PCDHA6: variants seen among roughly 807,000 people sequenced by gnomAD.
The protein encoded by PCDHA6 is protocadherin alpha-6.
In PCDHA6, 55 loss-of-function variants were observed where a neutral mutation model predicts 60.3. The observed-to-expected ratio is 0.91, with a 90% confidence interval of 0.73 to 1.14. The LOEUF (loss-of-function observed/expected upper bound fraction) is 1.14. Ranked by LOEUF, PCDHA6 falls within the 50% of genes most tolerant of loss-of-function variation. The probability of loss-of-function intolerance (pLI) is 0.00; values close to 1 mark genes in which losing one functional copy is unlikely to be tolerated. For missense variants in PCDHA6, 1,327 were observed against 1,256.5 expected, an observed-to-expected ratio of 1.06 and a Z score of -0.85; for synonymous variants, 652 against 557.9, an observed-to-expected ratio of 1.17 and a Z score of -2.38.
chr5:140,843,700 T>G lies in PCDHA6; in HGVS notation c.2394+13215T>G. On this transcript the variant is annotated intron_variant, in intron 1 of 3. Coordinates refer to ENST00000529310, the MANE Select transcript of PCDHA6 (RefSeq NM_018909.4). ...TAGGCGAAGAGCAAGATTTAAATGT[T>G]GATCATGGCCTCAAAGTAAGTCCAT... The G allele has an allele frequency of 3.2e-6, 5 of 1,581,782 alleles. 1 individual carries two copies. Among genetic ancestry groups the G allele is most frequent in the Non-Finnish European group, 4.3e-6 (5 of 1,152,788 alleles).
At chr5:140,962,546 G>A (rs2095690873) in intron 1 of PCDHA6, among the ~76,000 whole-genome samples, 7 of 152,094 alleles carry the variant, frequency 4.6e-5, no homozygotes, top group Admixed American at 4.6e-4. Flanking sequence ...TAAAAATGTA[G>A]AGGATCTCCC....
intron 1 of PCDHA6, chr5:140,883,623 C>A: frequency 6.2e-7 from 1 of 1,613,988 alleles, no homozygotes; most frequent in Non-Finnish European, 8.5e-7. Context: ...AACGACAACG[C>A]GCCGGCGTTC....
At chr5:140,933,351 T>C (rs2089082227) in intron 1 of PCDHA6, among the ~76,000 whole-genome samples, 1 of 152,024 alleles carries the variant, frequency 6.6e-6, no homozygotes, top group South Asian at 2.1e-4. Flanking sequence ...AAACACTTTA[T>C]TTCTAACCCA....
rs782489417 is a variant in PCDHA6, at chr5:140,927,802, A to C, written c.2395-51147A>C. 6.2e-6 allele frequency: 10 copies of C among 1,614,148 alleles called. No homozygotes were observed. The East Asian group carries it at 2.0e-4, about 32-fold the overall frequency. On this transcript the variant is annotated intron_variant, in intron 1 of 3. Transcript: ENST00000529310. ...AGCTGCTTCACTAGGTCCGCCTGAA[A>C]CGCTCTTGGAGGCATACATTGAGGC...
chr5:140,915,638 C>CTT (rs1183097723), intron 1 of PCDHA6, among the ~76,000 whole-genome samples: 1 of 151,724 alleles, frequency 6.6e-6, no homozygotes, highest in African/African-American at 2.4e-5. Context: ...CTCTCTCTCT[C>CTT]TCTCTCTCTC....
intron 1 of PCDHA6, among the ~76,000 whole-genome samples, chr5:140,906,751 G>C (rs782384757): frequency 1.3e-5 from 2 of 152,166 alleles, no homozygotes; most frequent in African/African-American, 2.4e-5. Context: ...CACAGGGCAT[G>C]GTAATACTAA....
chr5:140,966,659 G>T, intron 1 of PCDHA6: 1 of 1,217,656 alleles, frequency 8.2e-7, no homozygotes, highest in South Asian at 2.0e-5. Flanking sequence ...AGCGGTGGGG[G>T]AGCAGGCGCA....
At chr5:140,938,251 A>C (rs1015321564) in intron 1 of PCDHA6, among the ~76,000 whole-genome samples, 4 of 152,176 alleles carry the variant, frequency 2.6e-5, no homozygotes, top group Non-Finnish European at 5.9e-5. Context: ...TGGTCTTTTA[A>C]AAACTTTCTA....
At chr5:140,863,216 C>A (rs781920741) in intron 1 of PCDHA6, 5 of 1,084,226 alleles carry the variant, frequency 4.6e-6, no homozygotes, top group African/African-American at 1.6e-5. Context: ...AGCAGCCAAG[C>A]GAGGAAGGTC....
In PCDHA6 at chr5:140,830,129, T is replaced by A. The variant is rs2150181526; in HGVS notation, c.2038T>A (p.Ser680Thr). 13 of 1,613,250 alleles carry A rather than the reference T, an allele frequency of 8.1e-6. No homozygotes were observed. In the African/African-American group the frequency reaches 1.7e-4, roughly 22 times the overall value. The change falls in exon 1 of 4, where the codon TCA becomes ACA. Residue 680 changes from serine to threonine, a missense_variant. Transcript: ENST00000529310. ...VESGQAPKAS[S>T]RASVGAAGPE... ...GAGTGGCCAGGCTCCAAAGGCGTCA[T>A]CACGGGCGTCGGTGGGCGCCGCGGG...
intron 1 of PCDHA6, chr5:140,884,276 G>C: frequency 6.8e-6 from 11 of 1,613,638 alleles, no homozygotes; most frequent in Non-Finnish European, 9.3e-6. Context: ...GTTGTCGCTG[G>C]TGGAGAGCGG....
chr5:140,954,184 T>C (rs2094994216), intron 1 of PCDHA6, among the ~76,000 whole-genome samples: 1 of 152,236 alleles, frequency 6.6e-6, no homozygotes, highest in Non-Finnish European at 1.5e-5. Flanking sequence ...CAGTCTATCA[T>C]TGATGGGCAT....
In PCDHA6 at chr5:140,929,533, A is replaced by G; in HGVS notation, c.2395-49416A>G. 8.5e-6 allele frequency: 5 copies of G among 588,644 alleles called. No individual in the cohort carries two copies. The East Asian group carries it at 1.3e-4, about 16-fold the overall frequency. The allele number at this position is 588,644 out of a possible 1,614,324, so 36.5% of individuals were successfully genotyped here. The stretch of plus-strand genomic sequence containing the variant: ...AAGGGACTTATAGTTTATTTTTGAG[A>G]AACAAGGGCAAAAATTAAAACCTAT... On this transcript the variant is annotated intron_variant, in intron 1 of 3. Coordinates refer to ENST00000529310, the MANE Select transcript of PCDHA6 (RefSeq NM_018909.4).
At chr5:140,870,370 GT>G in intron 1 of PCDHA6, 1 of 1,614,208 alleles carries the variant, frequency 6.2e-7, no homozygotes. Context: ...CTATGAACTG[GT>G]GGTGACTGCG....
rs141978908 is a variant in PCDHA6 at position 140,828,437 on chromosome 5, G to T, written c.346G>T (p.Val116Phe). ...LEVIVDRPLQ[V>F]FHVDVEVRDI... ...GGTGATCGTGGACAGGCCGCTGCAG[G>T]TTTTCCATGTGGACGTGGAGGTGAG... The change falls in exon 1 of 4, where the codon GTT becomes TTT. Residue 116 changes from valine (V) to phenylalanine (F), a missense_variant. By Grantham distance (50) the Val-to-Phe change is conservative (BLOSUM62 -1). Coordinates refer to ENST00000529310, the MANE Select transcript of PCDHA6 (RefSeq NM_018909.4). 7.8e-5 allele frequency: 126 copies of T among 1,614,152 alleles called. No individual in the cohort carries two copies. Among genetic ancestry groups the T allele is most frequent in the Non-Finnish European group, 9.9e-5 (117 of 1,180,064 alleles).
chr5:140,994,394 T>C (rs1332946220), intron 3 of PCDHA6, among the ~76,000 whole-genome samples: 1 of 152,110 alleles, frequency 6.6e-6, no homozygotes, highest in African/African-American at 2.4e-5. Flanking sequence ...AGTCAGAGAT[T>C]ATTTGACATT....
At chr5:140,841,324 G>A in intron 1 of PCDHA6, 1 of 1,601,518 alleles carries the variant, frequency 6.2e-7, no homozygotes. Flanking sequence ...TATTTAACAT[G>A]GATTATCACT....
At position 140,857,606 on chromosome 5, in the gene PCDHA6, C is replaced by T. The variant is rs565842920; in HGVS notation, c.2394+27121C>T. The T allele has an allele frequency of 1.2e-4, 191 of 1,596,384 alleles. 13 individuals are homozygous for T. The South Asian group carries it at 2.1e-3, about 17-fold the overall frequency. ...GGAGAGCGGCAAGGTGTACGCGCTG[C>T]AGCCGCTGGACCACGAGGAGCTGGA... On this transcript the variant is annotated intron_variant, in intron 1 of 3. Coordinates refer to ENST00000529310, the MANE Select transcript of PCDHA6 (RefSeq NM_018909.4).
At chr5:140,970,121 G>C (rs1230320134) in intron 1 of PCDHA6, among the ~76,000 whole-genome samples, 1 of 152,184 alleles carries the variant, frequency 6.6e-6, no homozygotes, top group Non-Finnish European at 1.5e-5. Flanking sequence ...GCTGGGATTA[G>C]AAGGAAGAGA....
Sources: allele counts gnomAD v4.1 joint callset (sites outside exome capture counted in the v4.1 genomes callset), GRCh38; gene constraint gnomAD v4.1.1; transcripts MANE v1.5; gene names NCBI Gene and HGNC (gene_info 2026-07-23, HGNC 2026-07-21).